THSD7B: variants seen among roughly 807,000 people sequenced by gnomAD.
THSD7B encodes thrombospondin type-1 domain-containing protein 7B.
Under a neutral mutation model 213.6 loss-of-function variants are expected in THSD7B, and 138 were observed. That is an observed-to-expected ratio of 0.65 (90% CI 0.56 to 0.74). THSD7B has a LOEUF of 0.74. Ranked by LOEUF, THSD7B falls within the 30% of genes least tolerant of loss-of-function variation. THSD7B has a pLI of 0.00. For synonymous variants in THSD7B, 742 were observed against 687.0 expected (o/e 1.08, Z -1.25); for missense variants, 1,931 against 1,991.5 (o/e 0.97, Z 0.58).
rs183445103 is a variant in THSD7B at position 137,193,633 on chromosome 2, G to A, written c.1723+22695G>A. Among the ~76,000 whole-genome samples the A allele has an allele frequency of 3.8e-3, 576 of 152,072 alleles. 3 individuals carry two copies. Among genetic ancestry groups the A allele is most frequent in the Middle Eastern group, 0.027 (8 of 292 alleles). ...ATGCTCTTGGCAGGTCCTTTGTCCC[G>A]CCTTGCCAACACTGAGGGTGTCATG... On this transcript the variant is annotated intron_variant, in intron 7 of 27. Coordinates refer to ENST00000409968, the MANE Select transcript of THSD7B (RefSeq NM_001316349.2).
At chr2:137,665,893 C>CAA (rs144788785) in intron 26 of THSD7B, among the ~76,000 whole-genome samples, 3,833 of 151,976 alleles carry the variant, frequency 0.025, 136 homozygotes, top group African/African-American at 0.086. Flanking sequence ...AAGTACAAAT[C>CAA]AAAGTGAATG....
chr2:137,016,028 G>A (rs1002646506), intron 2 of THSD7B, among the ~76,000 whole-genome samples: 5 of 152,164 alleles, frequency 3.3e-5, no homozygotes, highest in South Asian at 4.1e-4. Flanking sequence ...GAGTCTGCAT[G>A]TTCATCTTTT....
At chr2:136,968,709 T>C (rs934820440) in intron 2 of THSD7B, among the ~76,000 whole-genome samples, 2 of 152,128 alleles carry the variant, frequency 1.3e-5, no homozygotes, top group Non-Finnish European at 2.9e-5. Flanking sequence ...ATTTCCTATA[T>C]CATTTTTTAA....
At chr2:137,089,057 G>A (rs1024491203) in intron 3 of THSD7B, among the ~76,000 whole-genome samples, 45 of 152,266 alleles carry the variant, frequency 3.0e-4, no homozygotes, top group African/African-American at 1.0e-3. Flanking sequence ...ATGAAAAACA[G>A]TGTGGAGATT....
intron 9 of THSD7B, among the ~76,000 whole-genome samples, chr2:137,235,237 G>A (rs866121729): frequency 5.9e-5 from 9 of 152,054 alleles, no homozygotes; most frequent in East Asian, 5.8e-4. Flanking sequence ...AAAGATGCAC[G>A]AAAGATTAGA....
chr2:137,346,349 A>G (rs990312883), intron 12 of THSD7B, among the ~76,000 whole-genome samples: 4 of 151,618 alleles, frequency 2.6e-5, no homozygotes, highest in African/African-American at 9.7e-5. Flanking sequence ...TTTTATTGCC[A>G]TGGGTTTATT....
intron 15 of THSD7B, among the ~76,000 whole-genome samples, chr2:137,512,892 A>G (rs1679997155): frequency 1.3e-5 from 2 of 152,182 alleles, no homozygotes; most frequent in Admixed American, 1.3e-4. Context: ...AAACAAGATG[A>G]ATGACTTGCC....
chr2:137,301,864 G>T (rs961702663), intron 12 of THSD7B, among the ~76,000 whole-genome samples: 1 of 152,074 alleles, frequency 6.6e-6, no homozygotes, highest in Admixed American at 6.6e-5. Flanking sequence ...GACAACTTTT[G>T]ATTTTTACTC....
intron 17 of THSD7B, among the ~76,000 whole-genome samples, chr2:137,601,480 T>A (rs1682075409): frequency 6.6e-6 from 1 of 152,236 alleles, no homozygotes; most frequent in Non-Finnish European, 1.5e-5. Flanking sequence ...TACAGGTTTG[T>A]AGCCTAGGAG....
intron 1 of THSD7B, among the ~76,000 whole-genome samples, chr2:136,815,937 T>C (rs1190090755): frequency 6.6e-6 from 1 of 152,114 alleles, no homozygotes; most frequent in Admixed American, 6.5e-5. Flanking sequence ...CAGGCTGGAG[T>C]GCAGTGGTGT....
intron 14 of THSD7B, among the ~76,000 whole-genome samples, chr2:137,444,436 C>T (rs1025804431): frequency 6.6e-6 from 1 of 151,914 alleles, no homozygotes; most frequent in Non-Finnish European, 1.5e-5. Context: ...CTTTCCCAAA[C>T]AAATATGCCC....
intron 16 of THSD7B, among the ~76,000 whole-genome samples, chr2:137,567,140 AT>A (rs1316455232): frequency 7.6e-6 from 1 of 131,160 alleles, no homozygotes; most frequent in African/African-American, 3.9e-5. Context: ...GCTCTATTTT[AT>A]TTTATTTTAT....
At chr2:136,918,443 G>A (rs1000089746) in intron 2 of THSD7B, among the ~76,000 whole-genome samples, 4 of 152,118 alleles carry the variant, frequency 2.6e-5, no homozygotes, top group African/African-American at 7.2e-5. Flanking sequence ...TAGTTGCTAC[G>A]TTATATCTAT....
intron 12 of THSD7B, among the ~76,000 whole-genome samples, chr2:137,313,427 A>G (rs1214717639): frequency 7.5e-6 from 1 of 133,632 alleles, no homozygotes; most frequent in East Asian, 1.9e-4. Flanking sequence ...GGTTTCCTGA[A>G]TACAGCACAC....
At chr2:137,257,846 G>A (rs1309663874) in intron 10 of THSD7B, among the ~76,000 whole-genome samples, 2 of 152,214 alleles carry the variant, frequency 1.3e-5, no homozygotes, top group East Asian at 3.8e-4. Flanking sequence ...AGGCAACAAA[G>A]CGGAATGCAC....
At chr2:136,915,603 T>C (rs1684336435) in intron 2 of THSD7B, among the ~76,000 whole-genome samples, 1 of 152,240 alleles carries the variant, frequency 6.6e-6, no homozygotes, top group Non-Finnish European at 1.5e-5. Context: ...TCAATTGTTT[T>C]ATATTATTTT....
intron 17 of THSD7B, among the ~76,000 whole-genome samples, chr2:137,598,172 T>G (rs1453589005): frequency 6.6e-6 from 1 of 152,174 alleles, no homozygotes; most frequent in Non-Finnish European, 1.5e-5. Context: ...CAAGACATTA[T>G]TTTTGTCCTG....
chr2:137,128,511 A>C (rs1316420869), intron 5 of THSD7B, among the ~76,000 whole-genome samples: 1 of 152,136 alleles, frequency 6.6e-6, no homozygotes, highest in Non-Finnish European at 1.5e-5. Flanking sequence ...AATTTTGAAA[A>C]TTTTTGTGAT....
At chr2:136,877,954 G>A (rs1388065172) in intron 1 of THSD7B, among the ~76,000 whole-genome samples, 1 of 151,718 alleles carries the variant, frequency 6.6e-6, no homozygotes, top group East Asian at 1.9e-4. Flanking sequence ...AAGTTTTAGG[G>A]TACATGTGCA....
Sources: allele counts gnomAD v4.1 joint callset (sites outside exome capture counted in the v4.1 genomes callset), GRCh38; gene constraint gnomAD v4.1.1; transcripts MANE v1.5; gene names NCBI Gene and HGNC (gene_info 2026-07-23, HGNC 2026-07-21).